GABBR2: variants seen among roughly 807,000 people sequenced by gnomAD.
GABBR2 encodes the protein G-protein coupled receptor 51.
In GABBR2, 23 loss-of-function variants were observed where a neutral mutation model predicts 105.6. That is an observed-to-expected ratio of 0.22 (90% CI 0.16 to 0.31). GABBR2 has a LOEUF of 0.31. Ranked by LOEUF, GABBR2 falls within the 10% of genes least tolerant of loss-of-function variation. The pLI is 1.00. For missense variants in GABBR2, 734 were observed against 1,245.5 expected (o/e 0.59, Z 6.18); for synonymous variants, 478 against 499.7 (o/e 0.96, Z 0.58).
chr9:98,303,231 A>AG lies in GABBR2; in HGVS notation c.2412+9dup, dbSNP rs752425703. Reference sequence around the variant, plus strand: ...GACAGGGCCCAGCTACCAGATGCAGAGGGAGGTACCTCTGTGATCTTCATT... The same window carrying AG: ...GACAGGGCCCAGCTACCAGATGCAGAGGGGAGGTACCTCTGTGATCTTCATT... On this transcript the variant is annotated intron_variant, in intron 16 of 18. Transcript: ENST00000259455. 29 of 1,611,884 alleles carry AG rather than the reference A, an allele frequency of 1.8e-5. No homozygotes were observed. Among genetic ancestry groups the AG allele is most frequent in the Non-Finnish European group, 2.2e-5 (26 of 1,178,638 alleles).
chr9:98,689,528 C>T (rs1435283355), intron 1 of GABBR2, among the ~76,000 whole-genome samples: 2 of 152,180 alleles, frequency 1.3e-5, no homozygotes, highest in African/African-American at 2.4e-5. Context: ...GTGCCTAGTG[C>T]ATGTAGACAA....
intron 3 of GABBR2, among the ~76,000 whole-genome samples, chr9:98,533,468 T>G (rs1828108523): frequency 6.6e-6 from 1 of 152,144 alleles, no homozygotes; most frequent in Admixed American, 6.5e-5. Flanking sequence ...ACAGGTGGAC[T>G]CAGGAAAACA....
chr9:98,702,005 G>C (rs971184954), intron 1 of GABBR2, among the ~76,000 whole-genome samples: 2 of 152,068 alleles, frequency 1.3e-5, no homozygotes, highest in Admixed American at 6.5e-5. Flanking sequence ...TATGTCACCT[G>C]GATCATCTCA....
At chr9:98,413,828 A>G (rs894179308) in intron 7 of GABBR2, among the ~76,000 whole-genome samples, 2 of 152,230 alleles carry the variant, frequency 1.3e-5, no homozygotes, top group Non-Finnish European at 2.9e-5. Context: ...ATGGCCCAGG[A>G]AGGGTGGAGC....
intron 7 of GABBR2, among the ~76,000 whole-genome samples, chr9:98,414,634 G>T (rs187546350): frequency 6.6e-6 from 1 of 152,166 alleles, no homozygotes; most frequent in South Asian, 2.1e-4. Flanking sequence ...TGTGCCAGTC[G>T]CTGGCTAGCT....
intron 3 of GABBR2, among the ~76,000 whole-genome samples, chr9:98,523,931 C>T (rs1453546664): frequency 6.6e-6 from 1 of 151,684 alleles, no homozygotes; most frequent in Non-Finnish European, 1.5e-5. Context: ...ATGTTAATAA[C>T]AATTACATCA....
At chr9:98,364,617 T>TTTTTTTTTTA (rs1554695427) in intron 12 of GABBR2, among the ~76,000 whole-genome samples, 3 of 151,612 alleles carry the variant, frequency 2.0e-5, no homozygotes, top group Non-Finnish European at 4.4e-5. Context: ...TTTTTTTTTT[T>TTTTTTTTTTA]ATGGAATCTT....
At chr9:98,413,368 A>G (rs1343305175) in intron 7 of GABBR2, among the ~76,000 whole-genome samples, 2 of 152,222 alleles carry the variant, frequency 1.3e-5, no homozygotes, top group Non-Finnish European at 2.9e-5. Flanking sequence ...CTGTTTCCAC[A>G]GGGATGGCAG....
intron 1 of GABBR2, among the ~76,000 whole-genome samples, chr9:98,635,949 T>G (rs1293457400): frequency 6.6e-6 from 1 of 152,108 alleles, no homozygotes; most frequent in Non-Finnish European, 1.5e-5. Flanking sequence ...CAGTGTCCCT[T>G]GCATACCCCA....
chr9:98,386,203 A>C (rs1832069105), intron 10 of GABBR2, among the ~76,000 whole-genome samples: 1 of 150,488 alleles, frequency 6.6e-6, no homozygotes, highest in South Asian at 2.1e-4. Context: ...AAAAGCATTA[A>C]GTCAACAGGT....
At chr9:98,614,638 T>C (rs1158481628) in intron 1 of GABBR2, among the ~76,000 whole-genome samples, 2 of 152,212 alleles carry the variant, frequency 1.3e-5, no homozygotes, top group Non-Finnish European at 2.9e-5. Flanking sequence ...TTAAAAATAC[T>C]ATAGATTGTT....
At chr9:98,330,567 C>A (rs529707183) in intron 13 of GABBR2, among the ~76,000 whole-genome samples, 1 of 152,286 alleles carries the variant, frequency 6.6e-6, no homozygotes, top group Non-Finnish European at 1.5e-5. Flanking sequence ...TTGGACCCGA[C>A]AATCATTTAG....
intron 11 of GABBR2, chr9:98,375,042 G>A (rs534790832): frequency 1.3e-5 from 2 of 152,266 alleles, no homozygotes; most frequent in Admixed American, 6.5e-5. Context: ...CCCATATTAA[G>A]TGTTACTCCA....
chr9:98,616,319 C>A (rs138968040), intron 1 of GABBR2, among the ~76,000 whole-genome samples: 10 of 152,306 alleles, frequency 6.6e-5, no homozygotes, highest in African/African-American at 2.4e-4. Context: ...GGCTATCAAC[C>A]CTACACTTGT....
intron 3 of GABBR2, among the ~76,000 whole-genome samples, chr9:98,520,701 C>T (rs749466533): frequency 2.0e-5 from 3 of 152,212 alleles, no homozygotes; most frequent in Admixed American, 6.5e-5. Context: ...ATGGTTTCTT[C>T]TGTTTCCACT....
chr9:98,394,195 TTGA>T lies in GABBR2; in HGVS notation c.1355_1357del (p.Ile452del), dbSNP rs1832246263. 6.2e-7 allele frequency: 1 copy of T among 1,613,452 alleles called. No individual in the cohort carries two copies. The highest frequency in any genetic ancestry group is 1.3e-5 in the African/African-American group (1 of 75,020). ...CTTACCTTGGAACCTGATGGTGTCA[TTGA>T]TGATCTCCAGTGTGTCGGCCACAGC... On this transcript the variant is annotated inframe_deletion, in exon 9 of 19. Transcript: ENST00000259455.
intron 3 of GABBR2, among the ~76,000 whole-genome samples, chr9:98,505,247 A>T (rs1827484764): frequency 1.3e-5 from 2 of 152,220 alleles, no homozygotes; most frequent in African/African-American, 4.8e-5. Flanking sequence ...AAATGGAGCC[A>T]CCTACTTTTT....
intron 2 of GABBR2, among the ~76,000 whole-genome samples, chr9:98,554,369 A>C (rs181259955): frequency 7.9e-5 from 12 of 152,352 alleles, no homozygotes; most frequent in Admixed American, 7.2e-4. Context: ...GAAAGAAAGA[A>C]AAAGAAAAGA....
At chr9:98,595,998 T>C (rs1829229275) in intron 1 of GABBR2, among the ~76,000 whole-genome samples, 2 of 152,224 alleles carry the variant, frequency 1.3e-5, no homozygotes, top group South Asian at 4.1e-4. Flanking sequence ...CTTCTGGAAG[T>C]CTTTGCCAGG....
Sources: gnomAD v4.1 joint callset for allele counts (sites outside exome capture counted in the v4.1 genomes callset) on GRCh38, gnomAD v4.1.1 for gene constraint, MANE v1.5 for transcripts, NCBI Gene and HGNC (gene_info 2026-07-23, HGNC 2026-07-21) for gene names.